RARB: variants seen among roughly 807,000 people sequenced by gnomAD.
RARB encodes the protein HBV-activated protein.
In RARB, 17 loss-of-function variants were observed where a neutral mutation model predicts 51.9. The ratio of observed to expected loss-of-function variants is 0.33; its 90% CI spans 0.22 to 0.49. The LOEUF (loss-of-function observed/expected upper bound fraction) is 0.49, where lower values mean the gene tolerates loss of function less well. RARB is among the 20% of genes least tolerant of loss of function. The pLI, the probability that RARB is intolerant of heterozygous loss-of-function variation, is 0.99. For missense variants in RARB, 369 were observed against 550.8 expected (o/e 0.67, Z 3.30); for synonymous variants, 215 against 195.4 (o/e 1.10, Z -0.84).
chr3:25,006,082 C>T (rs1462176791), intron 2 of RARB, among the ~76,000 whole-genome samples: 2 of 152,078 alleles, frequency 1.3e-5, no homozygotes, highest in Admixed American at 6.6e-5. Flanking sequence ...AGGGTTCACT[C>T]TTCATTTTCT....
chr3:25,019,064 T>C (rs1268315606), intron 2 of RARB, among the ~76,000 whole-genome samples: 1 of 152,150 alleles, frequency 6.6e-6, no homozygotes, highest in African/African-American at 2.4e-5. Context: ...ATTGAGCTAG[T>C]TTTAAATGGC....
intron 2 of RARB, among the ~76,000 whole-genome samples, chr3:24,893,389 A>T (rs757355889): frequency 3.3e-5 from 5 of 152,234 alleles, no homozygotes; most frequent in Non-Finnish European, 5.9e-5. Context: ...GCTTGAAGAC[A>T]TTGACAGCTT....
At chr3:24,976,488 T>A (rs1206328804) in intron 2 of RARB, among the ~76,000 whole-genome samples, 1 of 152,226 alleles carries the variant, frequency 6.6e-6, no homozygotes, top group African/African-American at 2.4e-5. Flanking sequence ...GGTATCTCAT[T>A]GTGGTTTTGA....
chr3:25,016,296 A>G (rs1371189601), intron 2 of RARB, among the ~76,000 whole-genome samples: 1 of 152,186 alleles, frequency 6.6e-6, no homozygotes, highest in African/African-American at 2.4e-5. Context: ...ATTAAGGTTA[A>G]AGTTGTGTTT....
At chr3:25,016,261 C>T (rs750924206) in intron 2 of RARB, among the ~76,000 whole-genome samples, 1 of 152,174 alleles carries the variant, frequency 6.6e-6, no homozygotes, top group Non-Finnish European at 1.5e-5. Context: ...TATACTAACT[C>T]ATGTCCAAGG....
rs1476040449 is a variant in RARB at position 25,596,464 on chromosome 3, A to T, written c.1195A>T (p.Met399Leu). 2 of 1,613,560 alleles carry T rather than the reference A, an allele frequency of 1.2e-6. No homozygotes were observed. The highest frequency in any genetic ancestry group is 2.2e-5 in the East Asian group (1 of 44,882). The change falls in exon 8 of 8, where the codon ATG becomes TTG. Residue 399 changes from methionine to leucine, a missense_variant. Transcript: ENST00000330688. The stretch of plus-strand genomic sequence containing the variant: ...CTTGAAAATGGAAATTCCTGGATCA[A>T]TGCCACCTCTCATTCAAGAAATGCT... ...ITLKMEIPGS[M>L]PPLIQEMLEN...
Position 25,177,140 on chromosome 3 carries a change from A to G in RARB, c.178+2565A>G, listed in dbSNP as rs139181566. ...TTATTTCTTGCTACAGTCGAAGCAC[A>G]TGAAAGCTGCTCAGATGGAAATGAT... is the stretch of plus-strand genomic sequence containing the variant. On this transcript the variant is annotated intron_variant, in intron 5 of 11. Coordinates refer to the RARB transcript ENST00000383772. Among the ~76,000 whole-genome samples the G allele has an allele frequency of 3.9e-3, 590 of 152,360 alleles. 3 individuals carry two copies. Among genetic ancestry groups the G allele is most frequent in the African/African-American group, 0.013 (550 of 41,596 alleles).
At chr3:25,055,223 C>T (rs1237872698) in intron 2 of RARB, among the ~76,000 whole-genome samples, 1 of 152,150 alleles carries the variant, frequency 6.6e-6, no homozygotes, top group Non-Finnish European at 1.5e-5. Flanking sequence ...TTAATCCTGT[C>T]ATTTGGTAAA....
chr3:25,454,563 G>A (rs1446804505), intron 1 of RARB, among the ~76,000 whole-genome samples: 1 of 152,126 alleles, frequency 6.6e-6, no homozygotes, highest in Non-Finnish European at 1.5e-5. Context: ...ATCACAGAAG[G>A]TTCTAGTAAA....
chr3:25,551,164 C>T (rs1699837626), intron 3 of RARB, among the ~76,000 whole-genome samples: 1 of 152,112 alleles, frequency 6.6e-6, no homozygotes, highest in Admixed American at 6.5e-5. Context: ...ATGCTGTCCT[C>T]ATAGTGGGGA....
intron 2 of RARB, among the ~76,000 whole-genome samples, chr3:24,876,840 T>C (rs1703054119): frequency 6.6e-6 from 1 of 152,176 alleles, no homozygotes; most frequent in East Asian, 1.9e-4. Flanking sequence ...GGCATTTCAT[T>C]TATCAGATAT....
At chr3:25,547,266 A>C (rs1331438554) in intron 3 of RARB, among the ~76,000 whole-genome samples, 1 of 152,128 alleles carries the variant, frequency 6.6e-6, no homozygotes, top group Non-Finnish European at 1.5e-5. Context: ...GGAAAATGAG[A>C]AAGAGAGGTA....
At chr3:24,938,946 T>C (rs766661432) in intron 2 of RARB, among the ~76,000 whole-genome samples, 13 of 151,720 alleles carry the variant, frequency 8.6e-5, no homozygotes, top group Non-Finnish European at 1.0e-4. Flanking sequence ...ATTTATCACA[T>C]TTTGTTCATT....
At position 25,296,647 on chromosome 3, in the gene RARB, G is replaced by GA. The variant is rs998609880; in HGVS notation, c.178+122079dup. On this transcript the variant is annotated intron_variant, in intron 5 of 11. Coordinates refer to the RARB transcript ENST00000383772. The stretch of plus-strand genomic sequence containing the variant: ...GAAATTATCTGGATTACTGGAGGGG[G>GA]AAAAAAACCCTCACTCTAACTGGGA... 1.6e-4 allele frequency among the ~76,000 whole-genome samples: 25 copies of GA among 152,154 alleles called. No individual in the cohort carries two copies. In the East Asian group the frequency reaches 4.7e-3, roughly 28 times the overall value.
intron 3 of RARB, among the ~76,000 whole-genome samples, chr3:25,081,621 A>ATATATATATATATATATATATTTT (rs1553631108): frequency 1.7e-4 from 1 of 5,802 alleles, no homozygotes; most frequent in Non-Finnish European, 3.1e-4. Flanking sequence ...ATATATATAT[A>ATATATATATATATATATATATTTT]TTTTTTTTTT....
chr3:25,008,889 G>A (rs1205933921), intron 2 of RARB, among the ~76,000 whole-genome samples: 1 of 152,060 alleles, frequency 6.6e-6, no homozygotes, highest in Admixed American at 6.6e-5. Context: ...TTCACACACT[G>A]ATATTTTTCA....
intron 1 of RARB, among the ~76,000 whole-genome samples, chr3:25,450,548 C>T (rs1482653848): frequency 6.6e-6 from 1 of 152,136 alleles, no homozygotes; most frequent in African/African-American, 2.4e-5. Context: ...TCTTTGGTCC[C>T]AGAGTCTCCC....
chr3:25,065,475 A>G (rs1006268652), intron 3 of RARB, among the ~76,000 whole-genome samples: 7 of 152,240 alleles, frequency 4.6e-5, no homozygotes, highest in African/African-American at 1.7e-4. Context: ...TAGTTCTGAT[A>G]GTGTTATACT....
At chr3:25,018,655 T>C (rs1425806361) in intron 2 of RARB, among the ~76,000 whole-genome samples, 2 of 152,196 alleles carry the variant, frequency 1.3e-5, no homozygotes, top group African/African-American at 4.8e-5. Flanking sequence ...ATAATATTCA[T>C]GTAGTTAGAA....
Sources: allele counts gnomAD v4.1 joint callset (sites outside exome capture counted in the v4.1 genomes callset), GRCh38; gene constraint gnomAD v4.1.1; transcripts MANE v1.5; gene names NCBI Gene and HGNC (gene_info 2026-07-23, HGNC 2026-07-21).